The following ADGRB3 variants were observed in gnomAD, a reference collection of about 807,000 sequenced individuals.
The protein encoded by ADGRB3 is brain-specific angiogenesis inhibitor 3.
A neutral mutation model predicts 193.4 loss-of-function variants in ADGRB3; 37 were observed. The observed-to-expected ratio is 0.19, with a 90% CI of 0.15 to 0.25. The LOEUF (loss-of-function observed/expected upper bound fraction) is 0.25, where lower values mean the gene tolerates loss of function less well. Among genes scored for constraint, ADGRB3 ranks in the 10% least tolerant of loss-of-function variants. The probability of loss-of-function intolerance (pLI) is 1.00; values close to 1 mark genes in which losing one functional copy is unlikely to be tolerated. For synonymous variants in ADGRB3, 690 were observed against 644.2 expected, an observed-to-expected ratio of 1.07 and a Z score of -1.08; for missense variants, 1,637 against 1,852.9, an observed-to-expected ratio of 0.88 and a Z score of 2.14.
At chr6:69,214,100 G>A (rs961347398) in intron 17 of ADGRB3, among the ~76,000 whole-genome samples, 1 of 152,090 alleles carries the variant, frequency 6.6e-6, no homozygotes, top group Non-Finnish European at 1.5e-5. Context: ...CAGAGAAGAG[G>A]GTATTTGACC....
intron 3 of ADGRB3, among the ~76,000 whole-genome samples, chr6:68,893,328 A>G (rs1246694727): frequency 6.6e-6 from 1 of 152,030 alleles, no homozygotes; most frequent in Non-Finnish European, 1.5e-5. Flanking sequence ...TTTTAATAAA[A>G]TTGTATTTCA....
In ADGRB3 at chr6:68,915,144, G is replaced by A. The variant is rs148979015; in HGVS notation, c.758-15415G>A. Among the ~76,000 whole-genome samples the A allele has an allele frequency of 1.5e-3, 224 of 152,248 alleles. 1 individual carries two copies. In the Middle Eastern group the frequency reaches 0.024, roughly 16 times the overall value. On this transcript the variant is annotated intron_variant, in intron 3 of 31. Coordinates refer to ENST00000370598, the MANE Select transcript of ADGRB3 (RefSeq NM_001704.3). ...ATTAACTATATGTCCTTATACTTGA[G>A]AGCATGACTTGGCCATCAATTTGAC...
chr6:69,026,382 A>C (rs1770433525), intron 13 of ADGRB3, among the ~76,000 whole-genome samples: 2 of 152,210 alleles, frequency 1.3e-5, no homozygotes. Context: ...CACTTCAGAC[A>C]GAAGAAACAA....
intron 29 of ADGRB3, among the ~76,000 whole-genome samples, chr6:69,366,234 C>T (rs564279303): frequency 2.2e-4 from 34 of 151,992 alleles, no homozygotes; most frequent in African/African-American, 6.3e-4. Flanking sequence ...CTCTTGCAGG[C>T]GTACAACAAA....
chr6:68,928,310 G>A (rs1165377794), intron 3 of ADGRB3, among the ~76,000 whole-genome samples: 2 of 152,134 alleles, frequency 1.3e-5, no homozygotes, highest in East Asian at 3.8e-4. Flanking sequence ...AGGATCCCTT[G>A]AGGCCAGGAG....
At position 68,786,417 on chromosome 6, in the gene ADGRB3, T is replaced by C. The variant is rs529222781; in HGVS notation, c.758-144142T>C. 1.9e-3 allele frequency among the ~76,000 whole-genome samples: 284 copies of C among 152,294 alleles called. 3 individuals carry two copies. The highest frequency in any genetic ancestry group is 6.6e-3 in the African/African-American group (274 of 41,574). On this transcript the variant is annotated intron_variant, in intron 3 of 31. Coordinates refer to ENST00000370598, the MANE Select transcript of ADGRB3 (RefSeq NM_001704.3). ...ACCATTTATTAAATAGGGAATCCTT[T>C]CCCCATTTCTTGTTTTTGTCAGGTT... is the stretch of plus-strand genomic sequence containing the variant.
intron 27 of ADGRB3, among the ~76,000 whole-genome samples, chr6:69,354,868 T>G (rs1769306245): frequency 6.6e-6 from 1 of 152,200 alleles, no homozygotes; most frequent in Non-Finnish European, 1.5e-5. Context: ...TGAGCTCTGG[T>G]TATTATTGGA....
chr6:68,723,375 G>C (rs1765617248), intron 3 of ADGRB3, among the ~76,000 whole-genome samples: 1 of 151,644 alleles, frequency 6.6e-6, no homozygotes, highest in Non-Finnish European at 1.5e-5. Context: ...GGAGACAATT[G>C]ACCTCTTTAA....
At chr6:68,990,385 G>C (rs774315581) in intron 10 of ADGRB3, among the ~76,000 whole-genome samples, 1 of 152,040 alleles carries the variant, frequency 6.6e-6, no homozygotes, top group Non-Finnish European at 1.5e-5. Context: ...AATATTACAA[G>C]GTAGTTGTCC....
chr6:68,883,639 T>C (rs1217359251), intron 3 of ADGRB3, among the ~76,000 whole-genome samples: 1 of 152,066 alleles, frequency 6.6e-6, no homozygotes, highest in South Asian at 2.1e-4. Context: ...CCTTAAAAGC[T>C]GTAACACTCA....
At chr6:68,660,813 C>G (rs1381431421) in intron 3 of ADGRB3, among the ~76,000 whole-genome samples, 2 of 150,988 alleles carry the variant, frequency 1.3e-5, no homozygotes, top group Non-Finnish European at 3.0e-5. Flanking sequence ...AGTTTCTTGT[C>G]TTCAGCAAAA....
At chr6:68,664,331 A>G (rs963075270) in intron 3 of ADGRB3, among the ~76,000 whole-genome samples, 1 of 151,730 alleles carries the variant, frequency 6.6e-6, no homozygotes, top group Non-Finnish European at 1.5e-5. Flanking sequence ...TCAAATTCAT[A>G]TGTTGAAATC....
chr6:68,766,522 A>G (rs1325550782), intron 3 of ADGRB3, among the ~76,000 whole-genome samples: 5 of 152,010 alleles, frequency 3.3e-5, no homozygotes, highest in Non-Finnish European at 7.4e-5. Context: ...TTAGTGGATA[A>G]AAATGGCATA....
At chr6:68,869,151 T>C (rs1270126153) in intron 3 of ADGRB3, among the ~76,000 whole-genome samples, 1 of 152,148 alleles carries the variant, frequency 6.6e-6, no homozygotes, top group Non-Finnish European at 1.5e-5. Context: ...ATGCTTGCAT[T>C]TCAATTATTC....
chr6:68,675,900 T>A (rs2127295882), intron 3 of ADGRB3, among the ~76,000 whole-genome samples: 1 of 152,350 alleles, frequency 6.6e-6, no homozygotes, highest in Middle Eastern at 3.4e-3. Flanking sequence ...AATTGAAGAA[T>A]CCGCTTTTTA....
At chr6:68,917,011 CGGT>C (rs1241600700) in intron 3 of ADGRB3, among the ~76,000 whole-genome samples, 3 of 152,062 alleles carry the variant, frequency 2.0e-5, no homozygotes, top group African/African-American at 4.8e-5. Flanking sequence ...GGGGGTTGGG[CGGT>C]GGTATGATGT....
intron 19 of ADGRB3, among the ~76,000 whole-genome samples, chr6:69,236,038 A>T (rs1465155756): frequency 6.6e-6 from 1 of 151,986 alleles, no homozygotes; most frequent in African/African-American, 2.4e-5. Flanking sequence ...AGAATTGCAA[A>T]AGTAGATATT....
intron 17 of ADGRB3, among the ~76,000 whole-genome samples, chr6:69,159,854 G>A (rs996734684): frequency 1.3e-5 from 2 of 152,100 alleles, no homozygotes; most frequent in South Asian, 2.1e-4. Context: ...CATTCCAAAC[G>A]CAAATTCCAG....
chr6:69,316,224 A>G (rs1468540517), intron 20 of ADGRB3, among the ~76,000 whole-genome samples: 1 of 150,538 alleles, frequency 6.6e-6, no homozygotes, highest in African/African-American at 2.5e-5. Flanking sequence ...TTGCCAAGCA[A>G]AAAGCAGTAA....
Sources: gnomAD v4.1 joint callset for allele counts (sites outside exome capture counted in the v4.1 genomes callset) on GRCh38, gnomAD v4.1.1 for gene constraint, MANE v1.5 for transcripts, NCBI Gene and HGNC (gene_info 2026-07-23, HGNC 2026-07-21) for gene names.